Variants in COG5 observed in about 807,000 individuals in gnomAD.
COG5 encodes component of oligomeric golgi complex 5, also known as conserved oligomeric Golgi complex subunit 5.
Under a neutral mutation model 110.4 loss-of-function variants are expected in COG5, and 86 were observed. That is an observed-to-expected ratio of 0.78 (90% CI 0.65 to 0.93). The LOEUF is 0.93. Ranked by LOEUF, COG5 falls within the 40% of genes least tolerant of loss-of-function variation. The pLI is 0.00. For synonymous variants in COG5, 360 were observed against 334.6 expected, an observed-to-expected ratio of 1.08 and a Z score of -0.83; for missense variants, 1,077 against 987.0, an observed-to-expected ratio of 1.09 and a Z score of -1.22.
At chr7:107,214,534 T>C (rs1745711601) in intron 19 of COG5, among the ~76,000 whole-genome samples, 1 of 152,196 alleles carries the variant, frequency 6.6e-6, no homozygotes, top group Non-Finnish European at 1.5e-5. Flanking sequence ...ATCAATGCTA[T>C]AAATAATATA....
At chr7:107,364,875 G>A (rs1353450260) in intron 8 of COG5, among the ~76,000 whole-genome samples, 3 of 152,086 alleles carry the variant, frequency 2.0e-5, no homozygotes, top group Non-Finnish European at 2.9e-5. Flanking sequence ...TTTGAAATCC[G>A]CATCTAATGA....
At chr7:107,338,350 A>G (rs997639745) in intron 10 of COG5, among the ~76,000 whole-genome samples, 24 of 152,142 alleles carry the variant, frequency 1.6e-4, no homozygotes, top group Non-Finnish European at 1.3e-4. Flanking sequence ...CCTCAAGTAC[A>G]TGGCCATATG....
chr7:107,312,807 TAAA>T (rs917921496), intron 11 of COG5, among the ~76,000 whole-genome samples: 1 of 133,586 alleles, frequency 7.5e-6, no homozygotes. Context: ...CTTATCTATT[TAAA>T]AAAATTCATG....
intron 12 of COG5, 33 bp downstream of exon 12, chr7:107,298,109 T>C (rs775009543): frequency 2.8e-6 from 3 of 1,080,832 alleles, no homozygotes; most frequent in African/African-American, 3.3e-5. Flanking sequence ...AAAATTAAGA[T>C]GCCAACTAAC....
At chr7:107,268,372 T>C (rs750516332) in intron 14 of COG5, among the ~76,000 whole-genome samples, 124 of 152,232 alleles carry the variant, frequency 8.1e-4, no homozygotes, top group Non-Finnish European at 2.2e-4. Flanking sequence ...GTTCTTTCTG[T>C]ATATTCGTTT....
chr7:107,425,465 T>C (rs1440463539), intron 6 of COG5, among the ~76,000 whole-genome samples: 2 of 151,756 alleles, frequency 1.3e-5, no homozygotes, highest in Non-Finnish European at 2.9e-5. Flanking sequence ...CCGTAACAAC[T>C]TCTAGTCAGA....
At chr7:107,377,687 A>T (rs989899720) in intron 7 of COG5, among the ~76,000 whole-genome samples, 1 of 152,240 alleles carries the variant, frequency 6.6e-6, no homozygotes, top group Non-Finnish European at 1.5e-5. Flanking sequence ...CCTCATGTGC[A>T]TAACAGCAAA....
intron 7 of COG5, among the ~76,000 whole-genome samples, chr7:107,380,985 G>A (rs958841158): frequency 2.0e-5 from 3 of 152,014 alleles, no homozygotes; most frequent in Non-Finnish European, 2.9e-5. Flanking sequence ...TTCCACATAC[G>A]TAAATCAATA....
chr7:107,491,423 A>G (rs1797967312), intron 6 of COG5, among the ~76,000 whole-genome samples: 1 of 152,126 alleles, frequency 6.6e-6, no homozygotes, highest in African/African-American at 2.4e-5. Flanking sequence ...CTGCTGATAC[A>G]TATGTTAACC....
intron 6 of COG5, among the ~76,000 whole-genome samples, chr7:107,514,244 T>C (rs1255623460): frequency 6.6e-6 from 1 of 151,698 alleles, no homozygotes; most frequent in Admixed American, 6.6e-5. Flanking sequence ...GCAATAAAGC[T>C]TTAAAATAGA....
chr7:107,273,299 C>A (rs1804429797), intron 14 of COG5, among the ~76,000 whole-genome samples: 1 of 152,144 alleles, frequency 6.6e-6, no homozygotes. Flanking sequence ...ACAGGTATAT[C>A]TTTAATGTGA....
intron 8 of COG5, among the ~76,000 whole-genome samples, chr7:107,363,314 G>A (rs1190294088): frequency 3.3e-4 from 51 of 152,316 alleles, no homozygotes; most frequent in Non-Finnish European, 3.4e-4. Flanking sequence ...CAAGGTGAAT[G>A]TGGTAGATAT....
At chr7:107,401,044 A>C (rs911416963) in intron 7 of COG5, among the ~76,000 whole-genome samples, 3 of 152,178 alleles carry the variant, frequency 2.0e-5, no homozygotes, top group African/African-American at 7.2e-5. Context: ...GCAATACAGC[A>C]AATAGTTTAG....
intron 6 of COG5, among the ~76,000 whole-genome samples, chr7:107,419,670 C>T (rs1477249592): frequency 6.6e-6 from 1 of 151,618 alleles, no homozygotes; most frequent in Non-Finnish European, 1.5e-5. Context: ...CAGGTTCAAG[C>T]GATTCTCCTG....
chr7:107,425,430 C>G (rs2129075753), intron 6 of COG5, among the ~76,000 whole-genome samples: 1 of 150,920 alleles, frequency 6.6e-6, no homozygotes, highest in Non-Finnish European at 1.5e-5. Flanking sequence ...ACATTAATGA[C>G]CACAGAATCT....
At chr7:107,387,888 G>A (rs1027149653) in intron 7 of COG5, among the ~76,000 whole-genome samples, 4 of 152,160 alleles carry the variant, frequency 2.6e-5, no homozygotes, top group African/African-American at 9.7e-5. Flanking sequence ...ACATTCTTGA[G>A]CCCACCCTGT....
intron 6 of COG5, among the ~76,000 whole-genome samples, chr7:107,421,977 A>C (rs911996819): frequency 7.9e-5 from 12 of 152,164 alleles, no homozygotes; most frequent in African/African-American, 2.9e-4. Flanking sequence ...ATTTAATAAC[A>C]TTGTGTTTTT....
intron 21 of COG5, chr7:107,207,967 C>T (rs1408094004): frequency 5.1e-5 from 50 of 985,268 alleles, no homozygotes; most frequent in Non-Finnish European, 5.7e-5. Flanking sequence ...ACAAGGTTTG[C>T]CCCAGAAGCT....
chr7:107,423,878 C>A (rs1397261274), intron 6 of COG5, among the ~76,000 whole-genome samples: 3 of 151,704 alleles, frequency 2.0e-5, no homozygotes, highest in Non-Finnish European at 4.4e-5. Flanking sequence ...GCTAATAAGT[C>A]AACAAATGAG....
Sources: gnomAD v4.1 joint callset for allele counts (sites outside exome capture counted in the v4.1 genomes callset) on GRCh38, gnomAD v4.1.1 for gene constraint, MANE v1.5 for transcripts, NCBI Gene and HGNC (gene_info 2026-07-23, HGNC 2026-07-21) for gene names.